The following PRDM16 variants were observed in gnomAD, a reference collection of about 807,000 sequenced individuals.
The protein encoded by PRDM16 is PR/SET domain 16, also known as histone-lysine N-methyltransferase PRDM16.
Under a neutral mutation model 110.6 loss-of-function variants are expected in PRDM16, and 23 were observed. That is an observed-to-expected ratio of 0.21 (90% confidence interval 0.15 to 0.29). The LOEUF is 0.29. Among genes scored for constraint, PRDM16 ranks in the 10% least tolerant of loss-of-function variants. The pLI, the probability that PRDM16 is intolerant of heterozygous loss-of-function variation, is 1.00. For synonymous variants in PRDM16, 799 were observed against 781.8 expected (o/e 1.02, Z -0.37); for missense variants, 1,615 against 1,794.3 (o/e 0.90, Z 1.81).
intron 3 of PRDM16, among the ~76,000 whole-genome samples, chr1:3,301,419 A>T (rs1641206914): frequency 6.6e-6 from 1 of 152,140 alleles, no homozygotes; most frequent in Non-Finnish European, 1.5e-5. Flanking sequence ...AAGCCAATAA[A>T]TGCATTTGTA....
intron 2 of PRDM16, among the ~76,000 whole-genome samples, chr1:3,225,394 C>T (rs961007244): frequency 2.6e-5 from 4 of 152,124 alleles, no homozygotes; most frequent in African/African-American, 4.8e-5. Flanking sequence ...CTCTGCCCTA[C>T]CTTTAGTGCG....
At chr1:3,181,925 TG>T (rs1162095977) in intron 1 of PRDM16, among the ~76,000 whole-genome samples, 160 of 87,612 alleles carry the variant, frequency 1.8e-3, no homozygotes, top group Admixed American at 0.011. Flanking sequence ...GTCTTACACA[TG>T]GTCTTACACA....
chr1:3,235,580 G>A (rs1251256206), intron 2 of PRDM16, among the ~76,000 whole-genome samples: 3 of 152,256 alleles, frequency 2.0e-5, no homozygotes, highest in East Asian at 3.9e-4. Context: ...CGCCCCAGGG[G>A]CTGATAGCCT....
chr1:3,314,700 G>A (rs1641557940), intron 3 of PRDM16, among the ~76,000 whole-genome samples: 1 of 151,858 alleles, frequency 6.6e-6, no homozygotes, highest in Non-Finnish European at 1.5e-5. Flanking sequence ...TCTCAGAAAA[G>A]TTCCTCCCCC....
chr1:3,119,712 G>C (rs986885896), intron 1 of PRDM16, among the ~76,000 whole-genome samples: 2 of 152,234 alleles, frequency 1.3e-5, no homozygotes, highest in Non-Finnish European at 2.9e-5. Flanking sequence ...TGGGGGTGCC[G>C]TGTTTTGTAC....
At chr1:3,275,949 C>T (rs905684148) in intron 3 of PRDM16, among the ~76,000 whole-genome samples, 7 of 152,234 alleles carry the variant, frequency 4.6e-5, no homozygotes, top group Non-Finnish European at 8.8e-5. Context: ...GACCCAGCTG[C>T]GCCCTGTGGG....
Position 3,411,637 on chromosome 1 carries a change from C to T in PRDM16, c.1440C>T (p.His480=), listed in dbSNP as rs777323102. The change falls in exon 9 of 17, where the codon CAC becomes CAT. Residue 480 remains histidine, a synonymous_variant. Coordinates refer to ENST00000270722, the MANE Select transcript of PRDM16 (RefSeq NM_022114.4). ...CAAAACCCTCCCCCAGCCTCAATCA[C>T]GCCAGCCTGGGCTTCAACGAGTACT... ...DKAKPSPSLN[H]ASLGFNEYFP... 1.4e-5 allele frequency: 23 copies of T among 1,613,852 alleles called. No homozygotes were observed. Among genetic ancestry groups the T allele is most frequent in the Middle Eastern group, 3.3e-4 (2 of 6,082 alleles).
intron 1 of PRDM16, among the ~76,000 whole-genome samples, chr1:3,118,708 C>G (rs538454742): frequency 6.6e-6 from 1 of 152,056 alleles, no homozygotes; most frequent in Non-Finnish European, 1.5e-5. Context: ...ACCCCCAGAG[C>G]GGACTTGATC....
intron 1 of PRDM16, among the ~76,000 whole-genome samples, chr1:3,180,318 C>T (rs1412236512): frequency 6.6e-6 from 1 of 152,066 alleles, no homozygotes; most frequent in Non-Finnish European, 1.5e-5. Flanking sequence ...CATCCACGTA[C>T]ACACAGGTGG....
chr1:3,410,237 G>A (rs759063690), intron 8 of PRDM16, among the ~76,000 whole-genome samples: 1 of 152,130 alleles, frequency 6.6e-6, no homozygotes, highest in Non-Finnish European at 1.5e-5. Flanking sequence ...ACAAGCTGGT[G>A]ATTCGCTGAC....
At chr1:3,079,992 C>G (rs1569420) in intron 1 of PRDM16, among the ~76,000 whole-genome samples, 26,022 of 152,264 alleles carry the variant, frequency 0.17, 2,887 homozygotes, top group Non-Finnish European at 0.25. Context: ...CGCGTGCCCA[C>G]CCGGCCCAAA....
Position 3,241,458 on chromosome 1 carries a change from A to G in PRDM16, c.388-2629A>G, listed in dbSNP as rs1639672816. ...AGCAGCTGTGGCAGCTGCCCCCACC[A>G]CCACCCCGGGGCTGGCCAGGTCCCA... On this transcript the variant is annotated intron_variant, in intron 2 of 16. Transcript: ENST00000270722. Among the ~76,000 whole-genome samples, 3 of 152,216 alleles carry G rather than the reference A, an allele frequency of 2.0e-5. No homozygotes were observed. In the South Asian group the frequency reaches 6.2e-4, roughly 32 times the overall value.
Position 3,337,844 on chromosome 1 carries a change from G to C in PRDM16, c.439-47308G>C, listed in dbSNP as rs149773994. 3.9e-5 allele frequency among the ~76,000 whole-genome samples: 6 copies of C among 152,306 alleles called. No individual in the cohort carries two copies. In the South Asian group the frequency reaches 1.2e-3, roughly 32 times the overall value. On this transcript the variant is annotated intron_variant, in intron 3 of 16. Coordinates refer to ENST00000270722, the MANE Select transcript of PRDM16 (RefSeq NM_022114.4). ...GAGCATTGGTGCTGGAACAAAAGAT[G>C]GAGGGAAAAGAAACAAAAGTCACAC...
chr1:3,232,902 G>A (rs1639449260), intron 2 of PRDM16, among the ~76,000 whole-genome samples: 1 of 151,826 alleles, frequency 6.6e-6, no homozygotes, highest in Non-Finnish European at 1.5e-5. Context: ...CTGTTACCAG[G>A]AGATCTACGA....
intron 3 of PRDM16, among the ~76,000 whole-genome samples, chr1:3,296,985 G>A (rs1641102637): frequency 6.6e-6 from 1 of 152,202 alleles, no homozygotes; most frequent in Admixed American, 6.5e-5. Flanking sequence ...GCCTATTTCA[G>A]GGTAAAGTGT....
chr1:3,166,421 C>T (rs999628178), intron 1 of PRDM16, among the ~76,000 whole-genome samples: 5 of 152,216 alleles, frequency 3.3e-5, no homozygotes, highest in Non-Finnish European at 7.3e-5. Context: ...GAGAGCCAAA[C>T]GCTGAGGCGC....
At chr1:3,342,798 C>G (rs2100516934) in intron 3 of PRDM16, among the ~76,000 whole-genome samples, 1 of 152,324 alleles carries the variant, frequency 6.6e-6, no homozygotes, top group South Asian at 2.1e-4. Flanking sequence ...TGAGGGCTAT[C>G]TATGCCACTG....
At chr1:3,221,993 C>T (rs1328532971) in intron 2 of PRDM16, among the ~76,000 whole-genome samples, 6 of 152,194 alleles carry the variant, frequency 3.9e-5, no homozygotes, top group South Asian at 2.1e-4. Context: ...AGTAGTCTCG[C>T]GTCTTATCTG....
At chr1:3,421,010 GC>G (rs1174239742) in intron 12 of PRDM16, among the ~76,000 whole-genome samples, 1 of 152,182 alleles carries the variant, frequency 6.6e-6, no homozygotes, top group African/African-American at 2.4e-5. Context: ...ATCTCCCCAG[GC>G]TCCATCCTGC....
Sources: gnomAD v4.1 joint callset for allele counts (sites outside exome capture counted in the v4.1 genomes callset) on GRCh38, gnomAD v4.1.1 for gene constraint, MANE v1.5 for transcripts, NCBI Gene and HGNC (gene_info 2026-07-23, HGNC 2026-07-21) for gene names.